The following FHIT variants were observed in gnomAD, a reference collection of about 807,000 sequenced individuals.
The protein encoded by FHIT is fragile histidine triad diadenosine triphosphatase, also known as bis(5'-adenosyl)-triphosphatase.
A neutral mutation model predicts 17.9 loss-of-function variants in FHIT; 19 were observed. The ratio of observed to expected loss-of-function variants is 1.06; its 90% CI spans 0.74 to 1.56. The LOEUF is 1.56. Ranked by LOEUF, FHIT falls within the 40% of genes most tolerant of loss-of-function variation. The pLI, the probability that FHIT is intolerant of heterozygous loss-of-function variation, is 0.00. For synonymous variants in FHIT, 81 were observed against 69.7 expected (o/e 1.16, Z -0.81); for missense variants, 248 against 189.2 (o/e 1.31, Z -1.82).
intron 8 of FHIT, among the ~76,000 whole-genome samples, chr3:59,840,252 T>C (rs1366975185): frequency 1.3e-5 from 2 of 152,134 alleles, no homozygotes; most frequent in African/African-American, 4.8e-5. Flanking sequence ...AATTATAAGA[T>C]AATGTCTTAT....
At chr3:60,539,733 T>C (rs1008278216) in intron 4 of FHIT, among the ~76,000 whole-genome samples, 3 of 151,932 alleles carry the variant, frequency 2.0e-5, no homozygotes, top group Non-Finnish European at 4.4e-5. Flanking sequence ...TAGGTGGGAA[T>C]TGAACAATGA....
intron 8 of FHIT, among the ~76,000 whole-genome samples, chr3:59,871,375 A>G (rs1435266164): frequency 6.6e-6 from 1 of 152,090 alleles, no homozygotes; most frequent in Admixed American, 6.6e-5. Flanking sequence ...GAATCTCAAC[A>G]ATTTTCAAAA....
chr3:60,503,380 C>T (rs1406868093), intron 5 of FHIT, among the ~76,000 whole-genome samples: 1 of 152,062 alleles, frequency 6.6e-6, no homozygotes, highest in African/African-American at 2.4e-5. Flanking sequence ...CATTTATTAT[C>T]ATAACATTTA....
chr3:60,244,585 T>C (rs1033113680), intron 5 of FHIT, among the ~76,000 whole-genome samples: 1 of 152,076 alleles, frequency 6.6e-6, no homozygotes, highest in African/African-American at 2.4e-5. Context: ...ACAAACTTTG[T>C]TGCCACAGAA....
At chr3:59,925,208 A>G (rs1232200868) in intron 7 of FHIT, among the ~76,000 whole-genome samples, 1 of 151,954 alleles carries the variant, frequency 6.6e-6, no homozygotes, top group East Asian at 1.9e-4. Flanking sequence ...GGCTCAAGAG[A>G]TCCTCCTGCC....
intron 5 of FHIT, among the ~76,000 whole-genome samples, chr3:60,023,216 A>G (rs1261478402): frequency 6.6e-6 from 1 of 152,230 alleles, no homozygotes; most frequent in Non-Finnish European, 1.5e-5. Context: ...TATGAGAATC[A>G]TTTCAAAAAC....
intron 5 of FHIT, among the ~76,000 whole-genome samples, chr3:60,087,661 C>T (rs1280390133): frequency 3.3e-5 from 5 of 152,140 alleles, no homozygotes; most frequent in Non-Finnish European, 7.3e-5. Context: ...GACATGGACA[C>T]GATGCAGCCA....
chr3:60,878,743 G>A (rs1704807904), intron 3 of FHIT, among the ~76,000 whole-genome samples: 1 of 151,904 alleles, frequency 6.6e-6, no homozygotes, highest in African/African-American at 2.4e-5. Context: ...CGCGGTGTTT[G>A]GTTTTTTGTC....
chr3:61,169,876 G>C (rs1052770143), intron 2 of FHIT, among the ~76,000 whole-genome samples: 2 of 152,230 alleles, frequency 1.3e-5, no homozygotes, highest in Admixed American at 1.3e-4. Context: ...GGGTTCAGTG[G>C]GTAGAAAACT....
intron 5 of FHIT, among the ~76,000 whole-genome samples, chr3:60,302,148 A>G (rs1708481496): frequency 6.6e-6 from 1 of 152,174 alleles, no homozygotes; most frequent in African/African-American, 2.4e-5. Context: ...TGGGAATTAA[A>G]TGATGCTGTT....
At chr3:60,649,092 T>C (rs2039931098) in intron 4 of FHIT, among the ~76,000 whole-genome samples, 2 of 152,156 alleles carry the variant, frequency 1.3e-5, no homozygotes, top group Admixed American at 1.3e-4. Flanking sequence ...AGTGCAAAGA[T>C]ATACATACAA....
intron 1 of FHIT, among the ~76,000 whole-genome samples, chr3:61,212,598 A>C (rs1435504286): frequency 2.0e-5 from 3 of 152,226 alleles, no homozygotes; most frequent in South Asian, 2.1e-4. Context: ...ATCCAGGAGA[A>C]CTTCCCCAAT....
At chr3:60,444,890 C>G (rs1215436080) in intron 5 of FHIT, among the ~76,000 whole-genome samples, 2 of 151,906 alleles carry the variant, frequency 1.3e-5, no homozygotes, top group Non-Finnish European at 2.9e-5. Flanking sequence ...AACTCTGACT[C>G]CATTGTCTTG....
chr3:59,870,061 T>C (rs1702850067), intron 8 of FHIT, among the ~76,000 whole-genome samples: 1 of 152,180 alleles, frequency 6.6e-6, no homozygotes, highest in South Asian at 2.1e-4. Context: ...CTGGGGAAAC[T>C]GAGATAGAGT....
At chr3:59,879,009 A>G (rs1325110638) in intron 8 of FHIT, among the ~76,000 whole-genome samples, 1 of 146,210 alleles carries the variant, frequency 6.8e-6, no homozygotes, top group African/African-American at 2.8e-5. Context: ...ACTGTCAGCA[A>G]AGGAAAAAAA....
At chr3:59,876,606 A>G (rs1703174085) in intron 8 of FHIT, among the ~76,000 whole-genome samples, 1 of 152,310 alleles carries the variant, frequency 6.6e-6, no homozygotes, top group Non-Finnish European at 1.5e-5. Flanking sequence ...GGTGGGAGAT[A>G]AGCCCCTGCT....
chr3:60,791,630 T>C (rs1700779420), intron 4 of FHIT, among the ~76,000 whole-genome samples: 1 of 152,104 alleles, frequency 6.6e-6, no homozygotes, highest in South Asian at 2.1e-4. Context: ...ACAGAGAACA[T>C]GAACACAACA....
chr3:61,034,935 T>C (rs772198753), intron 3 of FHIT, among the ~76,000 whole-genome samples: 1 of 152,130 alleles, frequency 6.6e-6, no homozygotes, highest in Non-Finnish European at 1.5e-5. Flanking sequence ...TTGTAATATA[T>C]CCATACAATG....
At chr3:60,877,963 A>G (rs1410797642) in intron 3 of FHIT, among the ~76,000 whole-genome samples, 4 of 152,008 alleles carry the variant, frequency 2.6e-5, no homozygotes, top group African/African-American at 9.7e-5. Context: ...CCACCATTCC[A>G]AGGTCTAAAT....
Sources: gnomAD v4.1 joint callset for allele counts (sites outside exome capture counted in the v4.1 genomes callset) on GRCh38, gnomAD v4.1.1 for gene constraint, MANE v1.5 for transcripts, NCBI Gene and HGNC (gene_info 2026-07-23, HGNC 2026-07-21) for gene names.